Variants in EWSR1 observed in about 807,000 individuals in gnomAD.
EWSR1 encodes RNA-binding protein EWS.
A neutral mutation model predicts 92.1 loss-of-function variants in EWSR1; 14 were observed. The ratio of observed to expected loss-of-function variants is 0.15; its 90% CI spans 0.10 to 0.24. EWSR1 has a LOEUF of 0.24. Ranked by LOEUF, EWSR1 falls within the 10% of genes least tolerant of loss-of-function variation. The pLI is 1.00. For synonymous variants in EWSR1, 303 were observed against 292.9 expected (o/e 1.03, Z -0.35); for missense variants, 637 against 870.9 (o/e 0.73, Z 3.38).
chr22:29,273,626 T>G (rs1377824408), intron 3 of EWSR1, 115 bp from the exon 4 acceptor site: 3 of 1,224,392 alleles, frequency 2.5e-6, no homozygotes, highest in Non-Finnish European at 3.4e-6. Context: ...GTTTTGTTTT[T>G]TTAATCTTCT....
At chr22:29,291,021 G>A (rs1001270218) in intron 8 of EWSR1, 3 of 236,952 alleles carry the variant, frequency 1.3e-5, no homozygotes, top group Non-Finnish European at 2.5e-5. Context: ...CGTGCCCTGA[G>A]ATGTATGGCT....
At position 29,287,050 on chromosome 22, in the gene EWSR1, C is replaced by T; in HGVS notation, c.709C>T (p.Pro237Ser). The change falls in exon 7 of 17, where the codon CCC becomes TCC. Residue 237 changes from proline (P) to serine (S), a missense_variant. Pro to Ser is a moderately conservative substitution (Grantham distance 74). Around this residue, in one of 5 missense-constraint regions of EWSR1, gnomAD observed 116 missense variants for 167.8 expected, o/e 0.69. Transcript: ENST00000397938. ...ACAAAGCAGCTATGGGCAGCAGCCT[C>T]CCACTAGTTACCCACCCCAAACTGG... ...GQQSSYGQQPPTSYPPQTGSY... is the reference protein window; with the variant it reads ...GQQSSYGQQPSTSYPPQTGSY... 3.1e-6 allele frequency: 5 copies of T among 1,613,974 alleles called. No homozygotes were observed. Among genetic ancestry groups the T allele is most frequent in the Middle Eastern group, 1.7e-4 (1 of 6,056 alleles).
chr22:29,278,320 C>T, intron 5 of EWSR1, 104 bp downstream of exon 5: 1 of 1,058,370 alleles, frequency 9.4e-7, no homozygotes, highest in Non-Finnish European at 1.4e-6. Context: ...TTAGTGGTTG[C>T]TTTCATATAC....
chr22:29,299,431 C>T lies in EWSR1; in HGVS notation c.1678+100C>T, dbSNP rs75648643. 3.4e-3 allele frequency: 5,147 copies of T among 1,517,516 alleles called. 131 individuals carry two copies. In the African/African-American group the frequency reaches 0.061, roughly 18 times the overall value. 94.0% of individuals were successfully genotyped at this position (1,517,516 alleles called of 1,614,324 possible). On this transcript the variant is annotated intron_variant, in intron 15 of 16. Coordinates refer to ENST00000397938, the MANE Select transcript of EWSR1 (RefSeq NM_005243.4). ...ACTGCAGTTGCCCTCTGCTTAACAA[C>T]TTTGAGTTGTCGTGTCCTCATTTCT... is the stretch of plus-strand genomic sequence containing the variant.
At chr22:29,288,061 A>C (rs2060181438) in intron 7 of EWSR1, among the ~76,000 whole-genome samples, 1 of 152,210 alleles carries the variant, frequency 6.6e-6, no homozygotes, top group Non-Finnish European at 1.5e-5. Flanking sequence ...AAAGGGGGAA[A>C]AATAATCCTC....
intron 6 of EWSR1, among the ~76,000 whole-genome samples, chr22:29,282,948 G>A (rs59736149): frequency 0.051 from 7,697 of 152,040 alleles, 287 homozygotes; most frequent in African/African-American, 0.1. Context: ...ATTTTTAGTA[G>A]AGACAGGGTT....
chr22:29,298,376 C>T (rs1419238705), intron 13 of EWSR1, among the ~76,000 whole-genome samples: 2 of 152,078 alleles, frequency 1.3e-5, no homozygotes, highest in Admixed American at 6.5e-5. Context: ...TATGGTGGTG[C>T]ATGCCTGTAA....
At chr22:29,276,230 C>G (rs1374548750) in intron 4 of EWSR1, 6 of 230,138 alleles carry the variant, frequency 2.6e-5, no homozygotes, top group African/African-American at 1.1e-4. Context: ...GTATTAGATT[C>G]TAATTTAAAT....
At chr22:29,299,536 C>T in intron 15 of EWSR1, 63 bp from the exon 16 acceptor site, 2 of 1,524,592 alleles carry the variant, frequency 1.3e-6, no homozygotes, top group Non-Finnish European at 8.8e-7. Flanking sequence ...GCAGCTTCCA[C>T]AGTGTCCACA....
Position 29,272,428 on chromosome 22 carries a change from C to G in EWSR1, c.99C>G (p.Thr33=). The part of the protein sequence containing the change: ...AQPTQGYAQT[T]QAYGQQSYGT... ...CCACTCAAGGATATGCACAGACCAC[C>G]CAGGTAATCTTTAAAATAATTACAT... Residue 33 remains threonine, a synonymous_variant, in exon 3 of 17, where the codon ACC becomes ACG. Coordinates refer to ENST00000397938, the MANE Select transcript of EWSR1 (RefSeq NM_005243.4). The G allele has an allele frequency of 6.2e-7, 1 of 1,612,404 alleles. No individual in the cohort carries two copies. The highest frequency in any genetic ancestry group is 1.1e-5 in the South Asian group (1 of 90,998).
intron 5 of EWSR1, among the ~76,000 whole-genome samples, chr22:29,280,557 G>A (rs1439482759): frequency 1.3e-5 from 2 of 152,092 alleles, no homozygotes; most frequent in Non-Finnish European, 2.9e-5. Context: ...ACTTGGGAGG[G>A]GTCTCTTTGC....
At chr22:29,280,674 G>T (rs1489778898) in intron 5 of EWSR1, among the ~76,000 whole-genome samples, 21 of 134,956 alleles carry the variant, frequency 1.6e-4, no homozygotes, top group Admixed American at 3.0e-4. Flanking sequence ...GGTTTGGTTG[G>T]TTTTTTTTTT....
intron 1 of EWSR1, among the ~76,000 whole-genome samples, 163 bp downstream of exon 1, chr22:29,268,512 TC>T (rs2058320596): frequency 6.6e-6 from 1 of 152,124 alleles, no homozygotes; most frequent in African/African-American, 2.4e-5. Flanking sequence ...TCCTCTCCCC[TC>T]CCCCAACCGG....
At chr22:29,274,656 G>A (rs544397172) in intron 4 of EWSR1, among the ~76,000 whole-genome samples, 5 of 152,130 alleles carry the variant, frequency 3.3e-5, no homozygotes, top group Admixed American at 1.3e-4. Context: ...TTTGTCTATT[G>A]GTTGGTTTCT....
At chr22:29,291,949 AAGCAAACCCT>A (rs1437996696) in intron 9 of EWSR1, 178 bp from the exon 10 acceptor site, 1 of 622,652 alleles carries the variant, frequency 1.6e-6, no homozygotes, top group Non-Finnish European at 2.8e-6. Context: ...CAAAGGAAAA[AAGCAAACCCT>A]AGCAAACCTT....
chr22:29,280,919 G>A (rs1291104453), intron 5 of EWSR1, among the ~76,000 whole-genome samples: 2 of 122,372 alleles, frequency 1.6e-5, no homozygotes, highest in Admixed American at 1.1e-4. Flanking sequence ...TTGCTCCGTC[G>A]CCCAGGCTGG....
rs371220999 is a variant in EWSR1 at position 29,299,724 on chromosome 22, G to A, written c.1804G>A (p.Gly602Ser). ...TGGAGACAGAGGTGGCTTCCGTGGT[G>A]GCCGGGGCATGGACCGAGGTGGCTT... ...RGGDRGGFRG[G>S]RGMDRGGFGG... The change falls in exon 16 of 17, where the codon GGC (glycine) becomes AGC (serine). Residue 602 changes from glycine to serine, a missense_variant. Physicochemically the swap from Gly to Ser is moderately conservative, Grantham distance 56. Coordinates refer to ENST00000397938, the MANE Select transcript of EWSR1 (RefSeq NM_005243.4). 1.5e-5 allele frequency: 24 copies of A among 1,612,320 alleles called. No homozygotes were observed. The highest frequency in any genetic ancestry group is 2.2e-5 in the East Asian group (1 of 44,852).
intron 1 of EWSR1, among the ~76,000 whole-genome samples, chr22:29,271,756 G>A (rs1390080420): frequency 2.0e-5 from 3 of 152,222 alleles, no homozygotes; most frequent in African/African-American, 7.2e-5. Flanking sequence ...AGTGAGGGGA[G>A]TGAAAACTAA....
chr22:29,268,841 C>T (rs939485796), intron 1 of EWSR1, among the ~76,000 whole-genome samples: 2 of 152,214 alleles, frequency 1.3e-5, no homozygotes, highest in African/African-American at 4.8e-5. Context: ...ATTTGTGGGC[C>T]GAGGGGTGCC....
Sources: gnomAD v4.1 joint callset for allele counts (sites outside exome capture counted in the v4.1 genomes callset) on GRCh38, gnomAD v4.1.1 for gene constraint, gnomAD v4.1.1 regional missense constraint, MANE v1.5 for transcripts, NCBI Gene and HGNC (gene_info 2026-07-23, HGNC 2026-07-21) for gene names.